RADIL: variants seen among roughly 807,000 people sequenced by gnomAD.
RADIL encodes Rap associating with DIL domain.
In RADIL, 99 loss-of-function variants were observed where a neutral mutation model predicts 97.6. The observed-to-expected ratio is 1.01, with a 90% CI of 0.86 to 1.20. RADIL has a LOEUF of 1.20. RADIL is among the 50% of genes most tolerant of loss of function. The pLI is 0.00. For missense variants in RADIL, 1,765 were observed against 1,498.9 expected, an observed-to-expected ratio of 1.18 and a Z score of -2.93; for synonymous variants, 803 against 691.8, an observed-to-expected ratio of 1.16 and a Z score of -2.52.
At chr7:4,816,607 G>A (rs553132426) in intron 7 of RADIL, 142 bp from the exon 8 acceptor site, 2 of 686,184 alleles carry the variant, frequency 2.9e-6, no homozygotes, top group Non-Finnish European at 5.0e-6. Flanking sequence ...ACAGGCCATG[G>A]CTTTGCAAAT....
Position 4,797,703 on chromosome 7 carries a change from A to G in RADIL, c.*1675T>C, listed in dbSNP as rs1299262008. ...CTAGGAAAAGAAACAGAACAAGGCC[A>G]GGCATGGTAATCCCACGCCTGTAAT... On this transcript the variant is annotated 3_prime_UTR_variant, in exon 15 of 15. Transcript: ENST00000399583. The G allele has an allele frequency of 6.6e-6, 1 of 152,262 alleles. No individual in the cohort carries two copies. The highest frequency in any genetic ancestry group is 6.5e-5 in the Admixed American group (1 of 15,272). 9.4% of individuals were successfully genotyped at this position (152,262 alleles called of 1,614,324 possible).
chr7:4,830,033 C>G (rs1339809628), intron 5 of RADIL, among the ~76,000 whole-genome samples: 1 of 152,230 alleles, frequency 6.6e-6, no homozygotes, highest in Non-Finnish European at 1.5e-5. Flanking sequence ...CCCCCTCCCT[C>G]ACTGCCTAGC....
At position 4,846,251 on chromosome 7, in the gene RADIL, A is replaced by G. The variant is rs562071907; in HGVS notation, c.536-9646T>C. 3.3e-5 allele frequency among the ~76,000 whole-genome samples: 5 copies of G among 150,792 alleles called. No individual in the cohort carries two copies. The South Asian group carries it at 1.0e-3, about 32-fold the overall frequency. On this transcript the variant is annotated intron_variant, in intron 2 of 14. Transcript: ENST00000399583. ...AACCTCCGACTCCCTGGTTCAAGCG[A>G]TTCTCCTGCCTCAGCCTCCTGAGTA...
At chr7:4,860,647 A>C in intron 2 of RADIL, 3 of 1,614,134 alleles carry the variant, frequency 1.9e-6, no homozygotes, top group Non-Finnish European at 2.5e-6. Context: ...CCCATTCTAA[A>C]TGTTGTTTTT....
rs375499234 is a variant in RADIL at position 4,859,886 on chromosome 7, C to T, written c.535+17719G>A. On this transcript the variant is annotated intron_variant, in intron 2 of 14. Coordinates refer to ENST00000399583, the MANE Select transcript of RADIL (RefSeq NM_018059.5). ...CTTCTTTATGAGGCAAGAATATCCTCTAGACTCCAACTATAGGATTAGATA... is the reference window on the plus strand; with the variant it reads ...CTTCTTTATGAGGCAAGAATATCCTTTAGACTCCAACTATAGGATTAGATA... 519 of 1,551,592 alleles carry T rather than the reference C, an allele frequency of 3.3e-4. 3 individuals are homozygous for T. The South Asian group carries it at 5.6e-3, about 17-fold the overall frequency.
intron 2 of RADIL, among the ~76,000 whole-genome samples, chr7:4,845,930 C>T (rs1010749586): frequency 7.9e-5 from 12 of 152,058 alleles, no homozygotes; most frequent in African/African-American, 2.9e-4. Flanking sequence ...AAACCAGGGG[C>T]TGTAGCCAGT....
chr7:4,864,489 A>G (rs1312849841), intron 2 of RADIL, among the ~76,000 whole-genome samples: 1 of 152,196 alleles, frequency 6.6e-6, no homozygotes, highest in South Asian at 2.1e-4. Context: ...CCAGATCCAT[A>G]TTATCTGACT....
At chr7:4,881,933 T>C (rs1280146034) in intron 1 of RADIL, among the ~76,000 whole-genome samples, 1 of 152,084 alleles carries the variant, frequency 6.6e-6, no homozygotes, top group Non-Finnish European at 1.5e-5. Flanking sequence ...TTCAGAAATG[T>C]TGTTCCCCCC....
rs530029348 is a variant in RADIL at position 4,835,627 on chromosome 7, C to G, written c.784-388G>C. ...CTGCCGCCTGTGTGGGAGCACCACC[C>G]CCAGTGTGGGAGCACTGCCGCCTGT... is the stretch of plus-strand genomic sequence containing the variant. On this transcript the variant is annotated intron_variant, in intron 3 of 14. Transcript: ENST00000399583. This position sits in a 1 kb window ranked among gnomAD's most constrained non-coding sequence, Gnocchi z 5.8. 6.6e-6 allele frequency among the ~76,000 whole-genome samples: 1 copy of G among 151,322 alleles called. No individual in the cohort carries two copies. The highest frequency in any genetic ancestry group is 1.5e-5 in the Non-Finnish European group (1 of 67,926).
rs1781969413 is a variant in RADIL, at chr7:4,798,065, A to AATATATTCATATATAATTATATATTTAT, written c.*1285_*1312dup. The AATATATTCATATATAATTATATATTTAT allele has an allele frequency of 1.4e-5, 2 of 147,016 alleles. No individual in the cohort carries two copies. Among genetic ancestry groups the AATATATTCATATATAATTATATATTTAT allele is most frequent in the African/African-American group, 5.0e-5 (2 of 39,678 alleles). The allele number at this position is 147,016 out of a possible 1,614,324, so 9.1% of individuals were successfully genotyped here. A position where few individuals can be genotyped will look rare whatever the true frequency, so the allele number is the denominator to read the frequency against. Reference sequence around the variant, plus strand: ...ATATATTACGTATACATGAATATGTAATATATTCATATATAATTATATATT... The same window carrying AATATATTCATATATAATTATATATTTAT: ...ATATATTACGTATACATGAATATGTAATATATTCATATATAATTATATATTTATATATATTCATATATAATTATATATT... On this transcript the variant is annotated 3_prime_UTR_variant, in exon 15 of 15. Transcript: ENST00000399583.
At chr7:4,851,187 A>T (rs186770137) in intron 2 of RADIL, among the ~76,000 whole-genome samples, 83 of 146,712 alleles carry the variant, frequency 5.7e-4, no homozygotes, top group African/African-American at 2.1e-3. Flanking sequence ...ACAAGAGCAA[A>T]ACTCCGTCTC....
At position 4,873,771 on chromosome 7, in the gene RADIL, T is replaced by C. The variant is rs943447370; in HGVS notation, c.535+3834A>G. Among the ~76,000 whole-genome samples, 1 of 152,192 alleles carries C rather than the reference T, an allele frequency of 6.6e-6. No individual in the cohort carries two copies. The highest frequency in any genetic ancestry group is 6.5e-5 in the Admixed American group (1 of 15,288). ...CCAGGGAGGCGCAGGACAGGCGGGCTGCTGGAAGGCGCAGAGCTCACCATC... is the reference window on the plus strand; with the variant it reads ...CCAGGGAGGCGCAGGACAGGCGGGCCGCTGGAAGGCGCAGAGCTCACCATC... On this transcript the variant is annotated intron_variant, in intron 2 of 14. Coordinates refer to ENST00000399583, the MANE Select transcript of RADIL (RefSeq NM_018059.5). The surrounding 1 kb of genome is among the most constrained non-coding windows in gnomAD (Gnocchi z 4.3).
intron 9 of RADIL, chr7:4,809,687 AATTG>A (rs1782482424): frequency 1.1e-6 from 1 of 901,664 alleles, no homozygotes. Flanking sequence ...TATTTTATTT[AATTG>A]ATTTATTTAG....
intron 2 of RADIL, among the ~76,000 whole-genome samples, chr7:4,850,461 G>A (rs1001069419): frequency 2.0e-5 from 3 of 152,208 alleles, no homozygotes; most frequent in African/African-American, 4.8e-5. Flanking sequence ...TTGAGATATG[G>A]AGGTTATTTG....
chr7:4,859,356 A>T (rs963316110), intron 2 of RADIL: 1 of 153,252 alleles, frequency 6.5e-6, no homozygotes, highest in African/African-American at 2.4e-5. Context: ...CCAACAATGC[A>T]TCAAGCATAA....
intron 2 of RADIL, among the ~76,000 whole-genome samples, chr7:4,863,517 A>G (rs922340793): frequency 3.3e-5 from 5 of 152,206 alleles, no homozygotes; most frequent in Admixed American, 6.5e-5. Context: ...TGTTTCCAGT[A>G]GATGTTCTTG....
intron 2 of RADIL, chr7:4,861,796 C>A: frequency 6.8e-7 from 1 of 1,462,492 alleles, no homozygotes; most frequent in Non-Finnish European, 9.0e-7. Flanking sequence ...GGGTTGTCAC[C>A]GGAAACGGCA....
chr7:4,848,800 C>A (rs1001290693), intron 2 of RADIL, among the ~76,000 whole-genome samples: 3 of 152,054 alleles, frequency 2.0e-5, no homozygotes, highest in African/African-American at 7.3e-5. Context: ...TAGAAAATGT[C>A]TGAAATTTTT....
At chr7:4,861,285 G>C in intron 2 of RADIL, 1 of 1,614,116 alleles carries the variant, frequency 6.2e-7, no homozygotes, top group East Asian at 2.2e-5. Flanking sequence ...ATAGTCTGTA[G>C]TGCTAATCTT....
Sources: allele counts gnomAD v4.1 joint callset (sites outside exome capture counted in the v4.1 genomes callset), GRCh38; gene constraint gnomAD v4.1.1; non-coding constraint Gnocchi (gnomAD v3.1); transcripts MANE v1.5; gene names NCBI Gene and HGNC (gene_info 2026-07-23, HGNC 2026-07-21).